The following CAMK1D variants were observed in gnomAD, a reference collection of about 807,000 sequenced individuals.
The protein encoded by CAMK1D is calcium/calmodulin dependent protein kinase ID.
Under a neutral mutation model 47.7 loss-of-function variants are expected in CAMK1D, and 9 were observed. That is an observed-to-expected ratio of 0.19 (90% CI 0.11 to 0.33). The LOEUF is 0.33. CAMK1D is among the 10% of genes least tolerant of loss of function. CAMK1D has a pLI of 1.00. For synonymous variants in CAMK1D, 184 were observed against 184.9 expected, an observed-to-expected ratio of 0.99 and a Z score of 0.04; for missense variants, 291 against 488.7, an observed-to-expected ratio of 0.60 and a Z score of 3.81.
chr10:12,489,017 G>A (rs1834299485), intron 1 of CAMK1D, among the ~76,000 whole-genome samples: 1 of 151,194 alleles, frequency 6.6e-6, no homozygotes. Flanking sequence ...CTCACTGCAA[G>A]CTCCGCCTCC....
At chr10:12,405,109 C>A (rs1404758537) in intron 1 of CAMK1D, among the ~76,000 whole-genome samples, 1 of 152,148 alleles carries the variant, frequency 6.6e-6, no homozygotes, top group Non-Finnish European at 1.5e-5. Context: ...GAATTGACAT[C>A]ATTCAACCAA....
intron 1 of CAMK1D, among the ~76,000 whole-genome samples, chr10:12,531,672 T>C (rs1835809667): frequency 6.6e-6 from 1 of 152,190 alleles, no homozygotes; most frequent in South Asian, 2.1e-4. Context: ...ACTTGCGTGC[T>C]CCAATGAGAA....
chr10:12,802,364 C>G (rs1838518562), intron 6 of CAMK1D, among the ~76,000 whole-genome samples: 1 of 152,276 alleles, frequency 6.6e-6, no homozygotes, highest in East Asian at 1.9e-4. Flanking sequence ...TTGGGATTTT[C>G]TCAGTATAAA....
intron 2 of CAMK1D, among the ~76,000 whole-genome samples, chr10:12,616,020 TTGC>T (rs997586164): frequency 2.7e-5 from 4 of 146,382 alleles, no homozygotes; most frequent in South Asian, 2.2e-4. Context: ...TGCATGTGTG[TTGC>T]TGTGTGTGTG....
In CAMK1D at chr10:12,732,987, G is replaced by A. The variant is rs1834964652; in HGVS notation, c.300-27961G>A. ...CCTCAAAGACAGAGCAGTTCTGAGG[G>A]TTAAATAAGATAATGTACAAAAAAA... On this transcript the variant is annotated intron_variant, in intron 3 of 10. Coordinates refer to ENST00000619168, the MANE Select transcript of CAMK1D (RefSeq NM_153498.4). Among the ~76,000 whole-genome samples the A allele has an allele frequency of 2.6e-5, 4 of 152,090 alleles. No individual in the cohort carries two copies. In the South Asian group the frequency reaches 8.3e-4, roughly 32 times the overall value.
At chr10:12,441,584 G>A (rs527855989) in intron 1 of CAMK1D, among the ~76,000 whole-genome samples, 1 of 150,606 alleles carries the variant, frequency 6.6e-6, no homozygotes, top group Non-Finnish European at 1.5e-5. Flanking sequence ...AGGCTGAGGC[G>A]GGTGGATCAC....
intron 3 of CAMK1D, among the ~76,000 whole-genome samples, chr10:12,669,218 C>T (rs1840529191): frequency 6.8e-6 from 1 of 147,846 alleles, no homozygotes; most frequent in Admixed American, 6.9e-5. Flanking sequence ...GGCGACAGGG[C>T]AAGACTCTGT....
chr10:12,374,245 C>T (rs182815168), intron 1 of CAMK1D, among the ~76,000 whole-genome samples: 21 of 108,284 alleles, frequency 1.9e-4, no homozygotes, highest in South Asian at 1.5e-3. Flanking sequence ...TGTGACAGAG[C>T]GAGACTCTGT....
At chr10:12,660,802 CATT>C (rs1588749473) in intron 2 of CAMK1D, among the ~76,000 whole-genome samples, 1 of 152,214 alleles carries the variant, frequency 6.6e-6, no homozygotes, top group East Asian at 1.9e-4. Flanking sequence ...TTTTCAGTGA[CATT>C]ATTATGGCTT....
At chr10:12,828,677 C>CCCCAA in intron 10 of CAMK1D, 92 bp from the exon 11 acceptor site, 1 of 1,016,572 alleles carries the variant, frequency 9.8e-7, no homozygotes, top group East Asian at 2.7e-5. Flanking sequence ...CGCCCCCCAC[C>CCCCAA]ATAAACCCAG....
At chr10:12,434,882 G>A (rs1182143388) in intron 1 of CAMK1D, among the ~76,000 whole-genome samples, 1 of 152,124 alleles carries the variant, frequency 6.6e-6, no homozygotes, top group Non-Finnish European at 1.5e-5. Flanking sequence ...TGACCTCCCT[G>A]CAGGAGAGTT....
At chr10:12,712,361 G>A (rs1425772203) in intron 3 of CAMK1D, among the ~76,000 whole-genome samples, 3 of 152,252 alleles carry the variant, frequency 2.0e-5, no homozygotes, top group Admixed American at 2.0e-4. Context: ...AAGCCAGCCT[G>A]CAGCAGCGCC....
At chr10:12,368,178 G>A (rs920437610) in intron 1 of CAMK1D, among the ~76,000 whole-genome samples, 5 of 145,164 alleles carry the variant, frequency 3.4e-5, no homozygotes, top group African/African-American at 1.3e-4. Context: ...CGGCCTGGGC[G>A]ACAGAGCGAG....
chr10:12,616,806 C>T (rs929362161), intron 2 of CAMK1D, among the ~76,000 whole-genome samples: 2 of 152,270 alleles, frequency 1.3e-5, no homozygotes, highest in East Asian at 1.9e-4. Context: ...CCTGAGCCAC[C>T]GCGCCTGGCC....
At chr10:12,806,838 A>G (rs1838753640) in intron 6 of CAMK1D, among the ~76,000 whole-genome samples, 1 of 152,200 alleles carries the variant, frequency 6.6e-6, no homozygotes, top group Admixed American at 6.5e-5. Flanking sequence ...TCTGGTCCCC[A>G]TCCACATACA....
At chr10:12,691,384 TATATATATATATATATATAA>T (rs1386827268) in intron 3 of CAMK1D, among the ~76,000 whole-genome samples, 107 of 7,110 alleles carry the variant, frequency 0.015, 2 homozygotes, top group Non-Finnish European at 0.02. Context: ...TATAAATATA[TATATATATATATATATATAA>T]ATATATATAT....
chr10:12,822,255 G>A (rs1833041899), intron 8 of CAMK1D, among the ~76,000 whole-genome samples: 1 of 152,144 alleles, frequency 6.6e-6, no homozygotes, highest in African/African-American at 2.4e-5. Context: ...GCTTGTACTT[G>A]GGGAGGGCCA....
At chr10:12,424,723 C>A (rs1433736353) in intron 1 of CAMK1D, among the ~76,000 whole-genome samples, 1 of 152,128 alleles carries the variant, frequency 6.6e-6, no homozygotes, top group East Asian at 1.9e-4. Context: ...GCAAGAGGAT[C>A]ACTTGAGCCC....
chr10:12,579,842 G>A (rs894319983), intron 2 of CAMK1D, among the ~76,000 whole-genome samples: 1 of 152,096 alleles, frequency 6.6e-6, no homozygotes, highest in Non-Finnish European at 1.5e-5. Context: ...CTCTTCTCTG[G>A]ATCTGTCTCC....
Sources: allele counts gnomAD v4.1 joint callset (sites outside exome capture counted in the v4.1 genomes callset), GRCh38; gene constraint gnomAD v4.1.1; transcripts MANE v1.5; gene names NCBI Gene and HGNC (gene_info 2026-07-23, HGNC 2026-07-21).